RNF220: variants seen among roughly 807,000 people sequenced by gnomAD.
RNF220 encodes E3 ubiquitin-protein ligase RNF220.
A neutral mutation model predicts 67.1 loss-of-function variants in RNF220; 7 were observed. That is an observed-to-expected ratio of 0.10 (90% CI 0.06 to 0.20). The LOEUF (loss-of-function observed/expected upper bound fraction) is 0.20, where lower values mean the gene tolerates loss of function less well. Among genes scored for constraint, RNF220 ranks in the 10% least tolerant of loss-of-function variants. RNF220 has a pLI of 1.00. For synonymous variants in RNF220, 270 were observed against 283.2 expected, an observed-to-expected ratio of 0.95 and a Z score of 0.47; for missense variants, 565 against 740.3, an observed-to-expected ratio of 0.76 and a Z score of 2.75.
chr1:44,541,002 G>A (rs1273358840), intron 2 of RNF220, among the ~76,000 whole-genome samples: 4 of 152,128 alleles, frequency 2.6e-5, no homozygotes, highest in Admixed American at 6.6e-5. Context: ...AATCTGCCAG[G>A]CATTATTCTA....
At chr1:44,418,963 C>T (rs60088934) in intron 2 of RNF220, among the ~76,000 whole-genome samples, 26,323 of 152,054 alleles carry the variant, frequency 0.17, 2,836 homozygotes, top group Admixed American at 0.25. Context: ...CACCTTGGGA[C>T]GTGCTCTTTA....
At chr1:44,435,335 T>C (rs1018294760) in intron 2 of RNF220, among the ~76,000 whole-genome samples, 1 of 152,168 alleles carries the variant, frequency 6.6e-6, no homozygotes. Flanking sequence ...GTCTGCACAA[T>C]GGGAATAAGA....
intron 7 of RNF220, 104 bp downstream of exon 7, chr1:44,635,692 T>G (rs1339601629): frequency 1.1e-5 from 17 of 1,579,400 alleles, no homozygotes; most frequent in Non-Finnish European, 1.4e-5. Context: ...CCACCCACCT[T>G]CCTTCCCCGC....
intron 6 of RNF220, 114 bp downstream of exon 6, chr1:44,632,499 T>G: frequency 2.0e-6 from 2 of 1,019,412 alleles, no homozygotes. Context: ...CCCGTTGGCT[T>G]CTTCGCAGTC....
At chr1:44,529,006 T>A (rs1660627618) in intron 2 of RNF220, among the ~76,000 whole-genome samples, 1 of 152,246 alleles carries the variant, frequency 6.6e-6, no homozygotes, top group Non-Finnish European at 1.5e-5. Flanking sequence ...AGCATACATT[T>A]GTATAACCTT....
chr1:44,631,223 A>G (rs1187920655), intron 5 of RNF220, among the ~76,000 whole-genome samples: 2 of 152,252 alleles, frequency 1.3e-5, no homozygotes, highest in African/African-American at 4.8e-5. Flanking sequence ...CGGCGCAGAG[A>G]TGAATGTACT....
At chr1:44,449,894 G>C (rs999536025) in intron 2 of RNF220, among the ~76,000 whole-genome samples, 2 of 152,116 alleles carry the variant, frequency 1.3e-5, no homozygotes, top group Non-Finnish European at 2.9e-5. Flanking sequence ...ACGTAACGGA[G>C]ATACAGAAAG....
intron 2 of RNF220, among the ~76,000 whole-genome samples, chr1:44,581,421 C>T (rs1665269757): frequency 6.6e-6 from 1 of 152,178 alleles, no homozygotes; most frequent in Non-Finnish European, 1.5e-5. Context: ...AAGGGCCTCC[C>T]CAGGGTGCCG....
At chr1:44,568,453 T>C (rs1664190192) in intron 2 of RNF220, among the ~76,000 whole-genome samples, 1 of 152,258 alleles carries the variant, frequency 6.6e-6, no homozygotes, top group African/African-American at 2.4e-5. Context: ...TTCACCTTTG[T>C]AACCCCCATC....
In RNF220 at chr1:44,645,783, C is replaced by T. The variant is rs1389793511; in HGVS notation, c.1445+295C>T. 1.3e-5 allele frequency among the ~76,000 whole-genome samples: 2 copies of T among 152,230 alleles called. No homozygotes were observed. The highest frequency in any genetic ancestry group is 4.8e-5 in the African/African-American group (2 of 41,462). ...TCGCCCGGGGAATGTGATGTATGGC[C>T]GCCCAGCCCAGCCGGCACACTTGAT... On this transcript the variant is annotated intron_variant, in intron 12 of 14. Transcript: ENST00000361799. This position sits in a 1 kb window ranked among gnomAD's most constrained non-coding sequence, Gnocchi z 5.0.
At chr1:44,634,876 G>A (rs1312242721) in intron 6 of RNF220, among the ~76,000 whole-genome samples, 3 of 152,110 alleles carry the variant, frequency 2.0e-5, no homozygotes, top group Non-Finnish European at 2.9e-5. Context: ...GAACAGGTTC[G>A]GGTGGGCACA....
chr1:44,426,651 C>T (rs1163201601), intron 2 of RNF220, among the ~76,000 whole-genome samples: 3 of 150,168 alleles, frequency 2.0e-5, no homozygotes, highest in Admixed American at 6.7e-5. Context: ...TGCTTGAACT[C>T]GAGAGACAGA....
At chr1:44,420,007 A>G (rs1394842616) in intron 2 of RNF220, 1 of 152,226 alleles carries the variant, frequency 6.6e-6, no homozygotes, top group African/African-American at 2.4e-5. Flanking sequence ...TGTGTATTTT[A>G]GAAAAAAGTT....
chr1:44,499,109 C>G (rs769550909), intron 2 of RNF220, among the ~76,000 whole-genome samples: 2 of 152,234 alleles, frequency 1.3e-5, no homozygotes, highest in Non-Finnish European at 2.9e-5. Flanking sequence ...CCTTTCATGT[C>G]CCCCACCCCA....
At chr1:44,626,698 AG>A in intron 5 of RNF220, 1 of 339,784 alleles carries the variant, frequency 2.9e-6, no homozygotes, top group Non-Finnish European at 5.4e-6. Context: ...GTTTCATAAG[AG>A]ACCCAGATAC....
At chr1:44,573,122 TAA>T (rs1318127681) in intron 2 of RNF220, 4 of 159,744 alleles carry the variant, frequency 2.5e-5, no homozygotes, top group South Asian at 1.6e-4. Flanking sequence ...ATAATTATTA[TAA>T]GAGTAATAAT....
At chr1:44,490,134 G>A (rs1656719857) in intron 2 of RNF220, among the ~76,000 whole-genome samples, 1 of 152,106 alleles carries the variant, frequency 6.6e-6, no homozygotes, top group South Asian at 2.1e-4. Context: ...ACTAGAAAGG[G>A]AAATACTGGA....
At chr1:44,405,978 C>T (rs1647288954) in intron 1 of RNF220, among the ~76,000 whole-genome samples, 2 of 152,148 alleles carry the variant, frequency 1.3e-5, no homozygotes, top group Non-Finnish European at 2.9e-5. Context: ...CTCTGGTGCA[C>T]CCCCCGGTGA....
At chr1:44,413,396 G>A (rs1354741744) in intron 2 of RNF220, among the ~76,000 whole-genome samples, 1 of 152,150 alleles carries the variant, frequency 6.6e-6, no homozygotes, top group Non-Finnish European at 1.5e-5. Context: ...CTGTGTGACT[G>A]CTCCAAATTT....
Sources: allele counts gnomAD v4.1 joint callset (sites outside exome capture counted in the v4.1 genomes callset), GRCh38; gene constraint gnomAD v4.1.1; non-coding constraint Gnocchi (gnomAD v3.1); transcripts MANE v1.5; gene names NCBI Gene and HGNC (gene_info 2026-07-23, HGNC 2026-07-21).